Variants in CDH18 observed in about 807,000 individuals in gnomAD.
CDH18 encodes cadherin 18, also known as cadherin-18.
A neutral mutation model predicts 67.9 loss-of-function variants in CDH18; 31 were observed. That is an observed-to-expected ratio of 0.46 (90% CI 0.34 to 0.62). CDH18 has a LOEUF of 0.62. Ranked by LOEUF, CDH18 falls within the 20% of genes least tolerant of loss-of-function variation. The pLI is 0.01. For synonymous variants in CDH18, 362 were observed against 347.2 expected (o/e 1.04, Z -0.48); for missense variants, 890 against 975.5 (o/e 0.91, Z 1.17).
intron 9 of CDH18, among the ~76,000 whole-genome samples, chr5:19,534,450 A>G (rs1749112866): frequency 1.3e-5 from 2 of 152,140 alleles, no homozygotes; most frequent in South Asian, 2.1e-4. Context: ...ACTTGTTACT[A>G]TAATATAGCA....
At chr5:19,952,755 A>G (rs1463905053) in intron 2 of CDH18, among the ~76,000 whole-genome samples, 3 of 152,150 alleles carry the variant, frequency 2.0e-5, no homozygotes, top group Non-Finnish European at 4.4e-5. Flanking sequence ...GACATTCAAT[A>G]TATATTCAAA....
At chr5:19,919,228 C>A (rs1411460269) in intron 2 of CDH18, among the ~76,000 whole-genome samples, 1 of 152,118 alleles carries the variant, frequency 6.6e-6, no homozygotes, top group East Asian at 1.9e-4. Context: ...GCCCTGTGTC[C>A]CTCTTCATCT....
intron 1 of CDH18, among the ~76,000 whole-genome samples, chr5:20,363,480 A>AC (rs1382728541): frequency 1.3e-4 from 18 of 142,796 alleles, no homozygotes; most frequent in Non-Finnish European, 2.2e-4. Context: ...TCCGTATCAA[A>AC]AAAAAAAAAA....
rs111276815 is a variant in CDH18, at chr5:19,952,583, T to C, written c.-257+28477A>G. Among the ~76,000 whole-genome samples, 472 of 152,270 alleles carry C rather than the reference T, an allele frequency of 3.1e-3. 7 individuals carry two copies. Among genetic ancestry groups the C allele is most frequent in the African/African-American group, 9.1e-3 (379 of 41,560 alleles). ...TTATTAGCACATAAAATCTCTTTGG[T>C]TTATTTCACAGAATAAATAAACATA... On this transcript the variant is annotated intron_variant, in intron 2 of 12. Transcript: ENST00000382275.
At chr5:19,774,900 T>C (rs1774169230) in intron 3 of CDH18, among the ~76,000 whole-genome samples, 2 of 134,414 alleles carry the variant, frequency 1.5e-5, no homozygotes, top group Admixed American at 8.2e-5. Flanking sequence ...CAGTCTACAA[T>C]TCAGAAAAGG....
At chr5:19,897,031 A>C (rs778600953) in intron 2 of CDH18, among the ~76,000 whole-genome samples, 5 of 152,182 alleles carry the variant, frequency 3.3e-5, no homozygotes, top group Non-Finnish European at 5.9e-5. Flanking sequence ...GTTTGCAAAG[A>C]TATCTTAAAA....
At chr5:20,152,939 A>AT (rs34475393) in intron 2 of CDH18, among the ~76,000 whole-genome samples, 42,069 of 125,854 alleles carry the variant, frequency 0.33, 8,055 homozygotes, top group Non-Finnish European at 0.41. Context: ...AGGATGAGGA[A>AT]TTTTTTTTTT....
chr5:20,294,216 G>T (rs1257454118), intron 1 of CDH18, among the ~76,000 whole-genome samples: 1 of 152,104 alleles, frequency 6.6e-6, no homozygotes, highest in African/African-American at 2.4e-5. Flanking sequence ...ATTACCCAAA[G>T]TAGTTACTTT....
intron 1 of CDH18, among the ~76,000 whole-genome samples, chr5:20,526,736 C>A (rs79803002): frequency 1.3e-5 from 2 of 152,112 alleles, no homozygotes; most frequent in East Asian, 3.9e-4. Context: ...AATGACCCCA[C>A]GAAAATGCCA....
intron 2 of CDH18, among the ~76,000 whole-genome samples, chr5:20,012,384 A>T (rs1362751460): frequency 6.6e-6 from 1 of 150,936 alleles, no homozygotes; most frequent in Non-Finnish European, 1.5e-5. Context: ...AAAAAAAAAA[A>T]AAAAAAACAC....
chr5:19,654,951 T>C (rs1405522168), intron 5 of CDH18, among the ~76,000 whole-genome samples: 1 of 152,180 alleles, frequency 6.6e-6, no homozygotes, highest in South Asian at 2.1e-4. Flanking sequence ...TGTGCTCATC[T>C]GTTCAACCAT....
chr5:20,288,003 A>G (rs887982286), intron 1 of CDH18, among the ~76,000 whole-genome samples: 1 of 151,856 alleles, frequency 6.6e-6, no homozygotes, highest in Non-Finnish European at 1.5e-5. Context: ...AGCATTTTAC[A>G]AGGTCAGAAA....
At chr5:19,994,250 C>CACATATATACACACATATGTAT (rs1800148290) in intron 2 of CDH18, among the ~76,000 whole-genome samples, 8 of 139,382 alleles carry the variant, frequency 5.7e-5, no homozygotes, top group East Asian at 4.4e-4. Context: ...CACACATATA[C>CACATATATACACACATATGTAT]ACATATATAC....
intron 5 of CDH18, among the ~76,000 whole-genome samples, chr5:19,662,543 A>G (rs1357768416): frequency 6.6e-6 from 1 of 152,074 alleles, no homozygotes; most frequent in Non-Finnish European, 1.5e-5. Flanking sequence ...TTTTAGTTCC[A>G]GTAGCTTGGG....
intron 2 of CDH18, among the ~76,000 whole-genome samples, chr5:20,063,474 C>T (rs1218117048): frequency 6.6e-6 from 1 of 151,864 alleles, no homozygotes; most frequent in East Asian, 1.9e-4. Context: ...TCATAGCAAT[C>T]CCAAAGAATC....
chr5:19,633,735 T>A (rs1320332450), intron 5 of CDH18, among the ~76,000 whole-genome samples: 6 of 152,044 alleles, frequency 3.9e-5, no homozygotes, highest in Non-Finnish European at 7.4e-5. Context: ...GCTCAAGCGA[T>A]CCTCCCACCT....
chr5:20,072,511 G>T (rs1349547365), intron 2 of CDH18, among the ~76,000 whole-genome samples: 4 of 151,884 alleles, frequency 2.6e-5, no homozygotes, highest in South Asian at 2.1e-4. Context: ...AGAACACAGA[G>T]GTCTGAGAAA....
chr5:20,304,986 G>A lies in CDH18; in HGVS notation c.-579-49481C>T, dbSNP rs1402142473. 6.2e-6 allele frequency: 10 copies of A among 1,613,806 alleles called. No individual in the cohort carries two copies. In the African/African-American group the frequency reaches 1.3e-4, roughly 22 times the overall value. On this transcript the variant is annotated intron_variant, in intron 1 of 14. Transcript: ENST00000507958. ...TCAAGGCGGCCAACTGCTTGTGATA[G>A]GCATTTCTGACACAAGCTTTACTGG...
chr5:20,094,371 T>TAGTA (rs1294671437), intron 2 of CDH18, among the ~76,000 whole-genome samples: 3 of 152,206 alleles, frequency 2.0e-5, no homozygotes, highest in Non-Finnish European at 4.4e-5. Flanking sequence ...TGTTGCCTTG[T>TAGTA]AGTATAGTTT....
Sources: allele counts gnomAD v4.1 joint callset (sites outside exome capture counted in the v4.1 genomes callset), GRCh38; gene constraint gnomAD v4.1.1; transcripts MANE v1.5; gene names NCBI Gene and HGNC (gene_info 2026-07-23, HGNC 2026-07-21).